SLAIN1: variants seen among roughly 807,000 people sequenced by gnomAD.
SLAIN1 encodes the protein SLAIN family member 1.
A neutral mutation model predicts 55.4 loss-of-function variants in SLAIN1; 17 were observed. The ratio of observed to expected loss-of-function variants is 0.31; its 90% CI spans 0.21 to 0.46. The LOEUF is 0.46. Among genes scored for constraint, SLAIN1 ranks in the 20% least tolerant of loss-of-function variants. The pLI is 1.00. For synonymous variants in SLAIN1, 348 were observed against 337.4 expected (o/e 1.03, Z -0.35); for missense variants, 682 against 785.1 (o/e 0.87, Z 1.57).
In SLAIN1 at chr13:77,698,890, C is replaced by A; in HGVS notation, c.626+351C>A. On this transcript the variant is annotated intron_variant, in intron 1 of 6. Coordinates refer to ENST00000418532, the MANE Select transcript of SLAIN1 (RefSeq NM_001242868.2). The surrounding 1 kb of genome is among the most constrained non-coding windows in gnomAD (Gnocchi z 4.1). ...TCTTGTCTTTTTGCTCAGTGCTGCT[C>A]TTTTCCCCAGTGTTTTCGGAGGGAT... The A allele has an allele frequency of 6.5e-7, 1 of 1,531,884 alleles. No homozygotes were observed. Among genetic ancestry groups the A allele is most frequent in the South Asian group, 1.2e-5 (1 of 83,806 alleles). 94.9% of individuals were successfully genotyped at this position (1,531,884 alleles called of 1,614,324 possible). A position where few individuals can be genotyped will look rare whatever the true frequency, so the allele number is the denominator to read the frequency against.
intron 2 of SLAIN1, among the ~76,000 whole-genome samples, chr13:77,721,393 G>A (rs2091260807): frequency 6.6e-6 from 1 of 152,086 alleles, no homozygotes; most frequent in South Asian, 2.1e-4. Flanking sequence ...GTAGCAGTGT[G>A]AGAACAGACT....
intron 2 of SLAIN1, 145 bp downstream of exon 2, chr13:77,719,816 C>T: frequency 3.7e-6 from 3 of 801,342 alleles, no homozygotes; most frequent in Non-Finnish European, 5.9e-6. Flanking sequence ...ACATGTATTA[C>T]ACATCAAGCT....
At chr13:77,762,869 T>C (rs1020720486) in intron 6 of SLAIN1, among the ~76,000 whole-genome samples, 8 of 152,230 alleles carry the variant, frequency 5.3e-5, no homozygotes, top group African/African-American at 1.9e-4. Context: ...TTTTAAAATA[T>C]GTTTTATACA....
intron 4 of SLAIN1, among the ~76,000 whole-genome samples, chr13:77,750,103 T>G (rs1874105505): frequency 6.6e-6 from 1 of 152,212 alleles, no homozygotes; most frequent in Non-Finnish European, 1.5e-5. Context: ...CCATAGAATT[T>G]TCTCAGGAGA....
chr13:77,753,152 C>A, intron 4 of SLAIN1, 51 bp from the exon 5 acceptor site: 1 of 1,497,078 alleles, frequency 6.7e-7, no homozygotes, highest in Non-Finnish European at 8.9e-7. Context: ...AAAGCTAGTA[C>A]TTTGGTTGCA....
At chr13:77,750,685 T>C (rs1431628344) in intron 4 of SLAIN1, among the ~76,000 whole-genome samples, 2 of 152,144 alleles carry the variant, frequency 1.3e-5, no homozygotes, top group East Asian at 3.8e-4. Context: ...TGAGGAAAAT[T>C]GCCAAGGAAT....
At chr13:77,739,019 C>T (rs903322339) in intron 2 of SLAIN1, among the ~76,000 whole-genome samples, 16 of 151,998 alleles carry the variant, frequency 1.1e-4, no homozygotes, top group Non-Finnish European at 1.5e-5. Context: ...GGAACTAACT[C>T]ATCTTAGTGT....
At chr13:77,752,298 T>TG (rs1405985682) in intron 4 of SLAIN1, among the ~76,000 whole-genome samples, 9 of 151,450 alleles carry the variant, frequency 5.9e-5, no homozygotes, top group African/African-American at 1.7e-4. Flanking sequence ...CTTTTTTTTT[T>TG]TTTTTTTTAA....
chr13:77,714,604 C>T (rs1324263657), intron 1 of SLAIN1, among the ~76,000 whole-genome samples: 1 of 152,106 alleles, frequency 6.6e-6, no homozygotes, highest in Non-Finnish European at 1.5e-5. Flanking sequence ...CAGAGCAAGA[C>T]CATGTCTCAA....
rs1298593944 is a variant in SLAIN1, at chr13:77,747,030, G to A, written c.1258+175G>A. ...CAACCTCCACCTCCTAGGTTCAAAC[G>A]ATTCTCCTGCCTCAGCCTTCCAAGT... is the stretch of plus-strand genomic sequence containing the variant. On this transcript the variant is annotated intron_variant, in intron 4 of 6. Transcript: ENST00000418532. Among the ~76,000 whole-genome samples the A allele has an allele frequency of 5.9e-5, 9 of 152,158 alleles. No homozygotes were observed. In the East Asian group the frequency reaches 1.7e-3, roughly 29 times the overall value.
Position 77,698,093 on chromosome 13 carries a change from G to A in SLAIN1, c.180G>A (p.Leu60=). 2.5e-6 allele frequency: 3 copies of A among 1,177,012 alleles called. No homozygotes were observed. In the South Asian group the frequency reaches 9.6e-5, roughly 38 times the overall value. The allele number at this position is 1,177,012 out of a possible 1,614,324, so 72.9% of individuals were successfully genotyped here. A position where few individuals can be genotyped will look rare whatever the true frequency, so the allele number is the denominator to read the frequency against. ...AASAAAAPHL[L]LLPPPPPAAP... ...GCGCGGCCGCCGCCCCGCACCTGCT[G>A]CTGCTGCCGCCGCCGCCGCCCGCCG... The change falls in exon 1 of 7, where the codon CTG becomes CTA. Residue 60 remains leucine, a synonymous_variant. Coordinates refer to ENST00000418532, the MANE Select transcript of SLAIN1 (RefSeq NM_001242868.2). This position sits in a 1 kb window ranked among gnomAD's most constrained non-coding sequence, Gnocchi z 4.1.
intron 2 of SLAIN1, among the ~76,000 whole-genome samples, chr13:77,721,747 C>T (rs902537639): frequency 3.3e-5 from 5 of 151,280 alleles, no homozygotes; most frequent in Middle Eastern, 3.2e-3. Flanking sequence ...TATTTACAAG[C>T]CCTGACATTT....
intron 1 of SLAIN1, among the ~76,000 whole-genome samples, chr13:77,700,601 A>T (rs1265871197): frequency 6.6e-6 from 1 of 152,214 alleles, no homozygotes; most frequent in Admixed American, 6.5e-5. Flanking sequence ...GAAAATATCA[A>T]CAGGGTTTAA....
intron 1 of SLAIN1, among the ~76,000 whole-genome samples, chr13:77,714,077 C>CG (rs2091181591): frequency 6.6e-6 from 1 of 152,012 alleles, no homozygotes; most frequent in Admixed American, 6.6e-5. Context: ...ACGTAGATGA[C>CG]AGTTGATGGG....
rs560106278 is a variant in SLAIN1, at chr13:77,707,310, C to T, written c.626+8771C>T. On this transcript the variant is annotated intron_variant, in intron 1 of 6. Coordinates refer to ENST00000418532, the MANE Select transcript of SLAIN1 (RefSeq NM_001242868.2). ...TGTTTTTGCTATGATAGTTTCATTT[C>T]CCAAGCATGAATAAACTGTTTTTTT... Among the ~76,000 whole-genome samples, 9 of 152,046 alleles carry T rather than the reference C, an allele frequency of 5.9e-5. No individual in the cohort carries two copies. The South Asian group carries it at 1.9e-3, about 32-fold the overall frequency.
chr13:77,719,844 G>A (rs981671988), intron 2 of SLAIN1, among the ~76,000 whole-genome samples, 173 bp downstream of exon 2: 6 of 152,054 alleles, frequency 3.9e-5, no homozygotes, highest in African/African-American at 9.7e-5. Flanking sequence ...TGTAAGATGT[G>A]TTTAGTTTTG....
At chr13:77,724,221 G>A (rs572442809) in intron 2 of SLAIN1, among the ~76,000 whole-genome samples, 1 of 152,268 alleles carries the variant, frequency 6.6e-6, no homozygotes, top group South Asian at 2.1e-4. Context: ...CTGAGCAGGC[G>A]GGGTGGGGAG....
chr13:77,748,321 A>C (rs960695549), intron 4 of SLAIN1, among the ~76,000 whole-genome samples: 3 of 151,662 alleles, frequency 2.0e-5, no homozygotes, highest in African/African-American at 4.8e-5. Flanking sequence ...TCAGAAAGAC[A>C]ATGTATTCCA....
intron 4 of SLAIN1, among the ~76,000 whole-genome samples, chr13:77,752,596 T>C (rs938010292): frequency 2.1e-4 from 32 of 152,246 alleles, no homozygotes; most frequent in African/African-American, 6.3e-4. Context: ...TGATAGGCTG[T>C]CTGCAAGCTG....
Sources: gnomAD v4.1 joint callset for allele counts (sites outside exome capture counted in the v4.1 genomes callset) on GRCh38, gnomAD v4.1.1 for gene constraint, Gnocchi (gnomAD v3.1) non-coding constraint, MANE v1.5 for transcripts, NCBI Gene and HGNC (gene_info 2026-07-23, HGNC 2026-07-21) for gene names.